The following RTTN variants were observed in gnomAD, a reference collection of about 807,000 sequenced individuals.
The protein encoded by RTTN is rotatin.
A neutral mutation model predicts 269.2 loss-of-function variants in RTTN; 182 were observed. That is an observed-to-expected ratio of 0.68 (90% CI 0.60 to 0.76). The LOEUF (loss-of-function observed/expected upper bound fraction) is 0.76. Ranked by LOEUF, RTTN falls within the 30% of genes least tolerant of loss-of-function variation. The pLI is 0.00. For missense variants in RTTN, 2,545 were observed against 2,608.6 expected (o/e 0.98, Z 0.53); for synonymous variants, 1,006 against 963.5 (o/e 1.04, Z -0.82).
chr18:70,088,496 T>C (rs1234076198), intron 30 of RTTN, among the ~76,000 whole-genome samples: 2 of 152,230 alleles, frequency 1.3e-5, no homozygotes, highest in Admixed American at 6.5e-5. Context: ...CTATTCTTTG[T>C]TCTACCTTTC....
intron 40 of RTTN, among the ~76,000 whole-genome samples, chr18:70,046,787 A>T (rs2057503415): frequency 6.6e-6 from 1 of 152,138 alleles, no homozygotes; most frequent in Non-Finnish European, 1.5e-5. Context: ...CTGGAGATGG[A>T]TGAGAAAATG....
chr18:70,136,034 TAAG>T (rs1029866367), intron 21 of RTTN, among the ~76,000 whole-genome samples: 2 of 152,058 alleles, frequency 1.3e-5, no homozygotes, highest in Non-Finnish European at 1.5e-5. Context: ...GAAGCAGCAA[TAAG>T]AAGTTTTGAG....
At chr18:70,067,104 G>C (rs2058156105) in intron 34 of RTTN, among the ~76,000 whole-genome samples, 1 of 151,304 alleles carries the variant, frequency 6.6e-6, no homozygotes, top group Non-Finnish European at 1.5e-5. Flanking sequence ...AACATCAAAT[G>C]CCTTATTTTA....
intron 23 of RTTN, 167 bp from the exon 24 acceptor site, chr18:70,128,713 A>C: frequency 3.4e-6 from 2 of 588,840 alleles, no homozygotes; most frequent in Non-Finnish European, 6.0e-6. Flanking sequence ...CAGTATTTCA[A>C]TTATTCTTTT....
At chr18:70,150,146 G>A in intron 15 of RTTN, 59 bp from the exon 16 acceptor site, 1 of 965,738 alleles carries the variant, frequency 1.0e-6, no homozygotes. Context: ...TAGGTCACCT[G>A]ACACACCTGG....
chr18:70,122,812 T>C (rs1372071487), intron 25 of RTTN, among the ~76,000 whole-genome samples: 1 of 152,160 alleles, frequency 6.6e-6, no homozygotes, highest in African/African-American at 2.4e-5. Context: ...TGAGAGGTGA[T>C]TCTAACAACC....
chr18:70,080,927 A>AACAC (rs2058547785), intron 32 of RTTN, among the ~76,000 whole-genome samples: 2 of 89,948 alleles, frequency 2.2e-5, no homozygotes, highest in Non-Finnish European at 4.6e-5. Context: ...TGTGTGTGGT[A>AACAC]TCACACACAC....
intron 34 of RTTN, among the ~76,000 whole-genome samples, chr18:70,071,418 C>A (rs979997032): frequency 1.3e-5 from 2 of 152,120 alleles, no homozygotes; most frequent in Admixed American, 6.6e-5. Flanking sequence ...AGACATAGTT[C>A]TGCTCAGGAA....
At position 70,135,173 on chromosome 18, in the gene RTTN, T is replaced by G. The variant is rs2060094821; in HGVS notation, c.2885+11A>C. On this transcript the variant is annotated intron_variant, in intron 22 of 48. Coordinates refer to ENST00000640769, the MANE Select transcript of RTTN (RefSeq NM_173630.4). ...TTAAGAGTAAAAAACTTATAAATTC[T>G]TATATCTCACCACATATCCATTCTC... 1 of 1,425,124 alleles carries G rather than the reference T, an allele frequency of 7.0e-7. No individual in the cohort carries two copies. The allele number at this position is 1,425,124 out of a possible 1,614,324, so 88.3% of individuals were successfully genotyped here.
At chr18:70,175,373 G>A (rs866560369) in intron 11 of RTTN, among the ~76,000 whole-genome samples, 1 of 151,822 alleles carries the variant, frequency 6.6e-6, no homozygotes, top group Admixed American at 6.6e-5. Flanking sequence ...AAAGCAACAC[G>A]TTAATTAAAA....
intron 46 of RTTN, among the ~76,000 whole-genome samples, chr18:70,011,507 G>A (rs1361837050): frequency 6.6e-6 from 1 of 152,156 alleles, no homozygotes; most frequent in Non-Finnish European, 1.5e-5. Flanking sequence ...TATCTCAACA[G>A]ATGCAGAAAG....
intron 3 of RTTN, 36 bp downstream of exon 3, chr18:70,204,050 T>C: frequency 7.0e-7 from 1 of 1,430,536 alleles, no homozygotes; most frequent in Non-Finnish European, 9.6e-7. Context: ...CCATTAGAAT[T>C]AATATATTTG....
chr18:70,078,974 A>G (rs1423691625), intron 32 of RTTN, among the ~76,000 whole-genome samples: 8 of 152,098 alleles, frequency 5.3e-5, no homozygotes, highest in Non-Finnish European at 2.9e-5. Context: ...GAGAAATAAG[A>G]GCAGTAATAC....
chr18:70,136,247 T>C (rs1384914360), intron 21 of RTTN, among the ~76,000 whole-genome samples: 2 of 152,132 alleles, frequency 1.3e-5, no homozygotes, highest in Non-Finnish European at 2.9e-5. Flanking sequence ...TGCCTTTGCC[T>C]GATTTCAAAT....
At chr18:70,161,988 A>G (rs553728460) in intron 14 of RTTN, among the ~76,000 whole-genome samples, 1 of 152,310 alleles carries the variant, frequency 6.6e-6, no homozygotes, top group Admixed American at 6.5e-5. Flanking sequence ...CTACCATTTG[A>G]CCTAGCAATC....
At chr18:70,012,366 AGC>A in intron 46 of RTTN, among the ~76,000 whole-genome samples, 1 of 146,916 alleles carries the variant, frequency 6.8e-6, no homozygotes, top group African/African-American at 2.6e-5. Context: ...GTTAGAGGGC[AGC>A]GTCTGCTCAC....
At chr18:70,174,248 C>G (rs2061228080) in intron 11 of RTTN, among the ~76,000 whole-genome samples, 2 of 151,650 alleles carry the variant, frequency 1.3e-5, no homozygotes, top group African/African-American at 4.8e-5. Flanking sequence ...TAACAGTGCA[C>G]AATTTCAGAA....
chr18:70,166,744 A>T, intron 13 of RTTN, 175 bp downstream of exon 13: 1 of 483,370 alleles, frequency 2.1e-6, no homozygotes, highest in Non-Finnish European at 3.6e-6. Context: ...TATAACAGTT[A>T]AGTATCCTAA....
intron 27 of RTTN, 61 bp downstream of exon 27, chr18:70,114,384 A>T (rs2059550072): frequency 6.7e-7 from 1 of 1,482,064 alleles, no homozygotes; most frequent in African/African-American, 1.4e-5. Context: ...AAACTTTGAA[A>T]ATCAAAGAAA....
Sources: allele counts gnomAD v4.1 joint callset (sites outside exome capture counted in the v4.1 genomes callset), GRCh38; gene constraint gnomAD v4.1.1; transcripts MANE v1.5; gene names NCBI Gene and HGNC (gene_info 2026-07-23, HGNC 2026-07-21).